The following MDH1 variants were observed in gnomAD, a reference collection of about 807,000 sequenced individuals.
The protein encoded by MDH1 is malate dehydrogenase 1, also known as malate dehydrogenase, cytoplasmic.
MDH1 carries 15 observed loss-of-function variants against 38.7 expected under a neutral mutation model. The ratio of observed to expected loss-of-function variants is 0.39; its 90% CI spans 0.26 to 0.60. The LOEUF (loss-of-function observed/expected upper bound fraction) is 0.60, where lower values mean the gene tolerates loss of function less well. Among genes scored for constraint, MDH1 ranks in the 20% least tolerant of loss-of-function variants. The pLI is 0.56. For synonymous variants in MDH1, 144 were observed against 143.6 expected (o/e 1.00, Z -0.02); for missense variants, 368 against 405.2 (o/e 0.91, Z 0.79).
chr2:63,597,585 C>G lies in MDH1; in HGVS notation c.375+11C>G, dbSNP rs776746724. The G allele has an allele frequency of 3.7e-6, 5 of 1,358,776 alleles. No homozygotes were observed. The highest frequency in any genetic ancestry group is 4.8e-6 in the Non-Finnish European group (5 of 1,044,084). The allele number at this position is 1,358,776 out of a possible 1,614,324, so 84.2% of individuals were successfully genotyped here. On this transcript the variant is annotated intron_variant, in intron 4 of 8. Transcript: ENST00000233114. The stretch of plus-strand genomic sequence containing the variant: ...AAGAAGTCAGTTAAGGTGACCAATG[C>G]TGTATTTTATGGGATTTTTCATTAT...
intron 1 of MDH1, chr2:63,589,832 C>G (rs765272961): frequency 4.7e-5 from 10 of 210,922 alleles, no homozygotes; most frequent in Non-Finnish European, 9.8e-5. Flanking sequence ...GAATAATCTG[C>G]GTACTGCTTG....
intron 5 of MDH1, among the ~76,000 whole-genome samples, chr2:63,603,395 T>C (rs1709466383): frequency 6.6e-6 from 1 of 152,220 alleles, no homozygotes; most frequent in South Asian, 2.1e-4. Flanking sequence ...TTATGTGTGC[T>C]AAAGCTACAG....
intron 4 of MDH1, 125 bp from the exon 5 acceptor site, chr2:63,599,045 A>G: frequency 1.3e-6 from 1 of 770,826 alleles, no homozygotes; most frequent in East Asian, 2.9e-5. Context: ...GCTATATTGT[A>G]TTTGGTGTTT....
intron 2 of MDH1, 26 bp from the exon 3 acceptor site, chr2:63,595,397 C>G (rs763526621): frequency 7.2e-7 from 1 of 1,388,910 alleles, no homozygotes; most frequent in African/African-American, 1.4e-5. Context: ...CCTACACTAA[C>G]AGATGCTGTC....
intron 3 of MDH1, 107 bp downstream of exon 3, chr2:63,595,626 A>AT: frequency 4.3e-6 from 3 of 692,172 alleles, no homozygotes; most frequent in East Asian, 2.7e-5. Context: ...TCATAAGAGG[A>AT]TTTTTTTATT....
intron 7 of MDH1, 68 bp from the exon 8 acceptor site, chr2:63,605,870 AT>A: frequency 7.7e-7 from 1 of 1,293,440 alleles, no homozygotes; most frequent in Non-Finnish European, 1.1e-6. Flanking sequence ...ACCTGGTTTA[AT>A]TTTATTAGTT....
chr2:63,589,275 A>C, intron 1 of MDH1: 1 of 1,551,164 alleles, frequency 6.4e-7, no homozygotes, highest in East Asian at 2.4e-5. Flanking sequence ...CTGGAGAAGT[A>C]GTTGTCCTGG....
At chr2:63,601,351 C>A (rs972040830) in intron 5 of MDH1, among the ~76,000 whole-genome samples, 3 of 152,298 alleles carry the variant, frequency 2.0e-5, no homozygotes, top group South Asian at 2.1e-4. Flanking sequence ...CTGTTTAACA[C>A]CTGCAGAACT....
intron 2 of MDH1, 108 bp from the exon 3 acceptor site, chr2:63,595,315 A>G (rs1259134666): frequency 1.6e-5 from 12 of 742,076 alleles, no homozygotes; most frequent in Non-Finnish European, 2.5e-5. Flanking sequence ...TGACTAATTA[A>G]TGGGAATTAC....
chr2:63,605,908 T>C, intron 7 of MDH1, 31 bp from the exon 8 acceptor site: 1 of 1,557,722 alleles, frequency 6.4e-7, no homozygotes, highest in Non-Finnish European at 8.9e-7. Context: ...AAACTAATCA[T>C]CATGAGTATG....
chr2:63,605,911 T>C (rs376669079), intron 7 of MDH1, 28 bp from the exon 8 acceptor site: 85 of 1,564,468 alleles, frequency 5.4e-5, no homozygotes, highest in Non-Finnish European at 7.1e-5. Context: ...CTAATCATCA[T>C]GAGTATGTGA....
chr2:63,604,900 C>A, intron 6 of MDH1, 28 bp downstream of exon 6: 1 of 1,610,566 alleles, frequency 6.2e-7, no homozygotes, highest in Non-Finnish European at 8.5e-7. Context: ...GCCTTCTTAA[C>A]ACTGAGCGTA....
intron 4 of MDH1, chr2:63,598,249 C>G (rs1709354433): frequency 6.6e-6 from 1 of 152,336 alleles, no homozygotes; most frequent in Non-Finnish European, 1.5e-5. Flanking sequence ...CTGTCTCAGC[C>G]TCGTGAGTAG....
In MDH1 at chr2:63,606,038, T is replaced by G; in HGVS notation, c.879+10T>G. ...CCCTGTTGTAATCAAGGTAAGGTAT[T>G]TTGGAGCTATTTCCCTTCTTTGAGG... is the stretch of plus-strand genomic sequence containing the variant. On this transcript the variant is annotated intron_variant, in intron 8 of 8. Transcript: ENST00000233114. 6.2e-7 allele frequency: 1 copy of G among 1,605,602 alleles called. No homozygotes were observed. Among genetic ancestry groups the G allele is most frequent in the Non-Finnish European group, 8.5e-7 (1 of 1,172,298 alleles).
At chr2:63,600,266 A>G (rs927400926) in intron 5 of MDH1, among the ~76,000 whole-genome samples, 3 of 152,254 alleles carry the variant, frequency 2.0e-5, no homozygotes, top group South Asian at 4.1e-4. Flanking sequence ...AATGCTATAC[A>G]TGTAATTTTC....
chr2:63,594,755 C>T (rs775049503), intron 2 of MDH1, 169 bp downstream of exon 2: 2 of 547,518 alleles, frequency 3.7e-6, no homozygotes, highest in Non-Finnish European at 6.5e-6. Flanking sequence ...TATATGTACG[C>T]CTCCAGGCAC....
Position 63,604,756 on chromosome 2 carries a change from C to T in MDH1, c.559C>T (p.His187Tyr), listed in dbSNP as rs368233063. ...AAAGAATGTCATTATCTGGGGAAAC[C>T]ATTCCTCGACTCAGTATCCAGATGT... is the stretch of plus-strand genomic sequence containing the variant. ...DVKNVIIWGN[H>Y]SSTQYPDVNH... The change falls in exon 6 of 9, where the codon CAT (histidine) becomes TAT (tyrosine). Residue 187 changes from histidine to tyrosine, a missense_variant. Coordinates refer to ENST00000233114, the MANE Select transcript of MDH1 (RefSeq NM_005917.4). 1.9e-6 allele frequency: 3 copies of T among 1,613,980 alleles called. No homozygotes were observed. The highest frequency in any genetic ancestry group is 1.3e-5 in the African/African-American group (1 of 74,922).
chr2:63,593,324 C>A (rs1258911872), intron 1 of MDH1: 5 of 281,776 alleles, frequency 1.8e-5, no homozygotes, highest in Non-Finnish European at 2.9e-5. Flanking sequence ...AAACTCCCAA[C>A]CTCAGGTGAT....
In MDH1 at chr2:63,606,010, AT is replaced by A; in HGVS notation, c.863del (p.Phe288SerfsTer4). ...GTGTTCCTGATGATCTGCTCTACTCATTCCCTGTTGTAATCAAGGTAAGGTA... is the reference window on the plus strand; with the variant it reads ...GTGTTCCTGATGATCTGCTCTACTCATCCCTGTTGTAATCAAGGTAAGGTA... ...YGVPDDLLYS[F>X]PVVIKNKTWK... On this transcript the variant is annotated frameshift_variant, in exon 8 of 9. Coordinates refer to ENST00000233114, the MANE Select transcript of MDH1 (RefSeq NM_005917.4). LOFTEE classifies it high-confidence loss of function. 6.2e-7 allele frequency: 1 copy of A among 1,614,002 alleles called. No homozygotes were observed. Among genetic ancestry groups the A allele is most frequent in the Non-Finnish European group, 8.5e-7 (1 of 1,179,900 alleles).
Sources: allele counts gnomAD v4.1 joint callset (sites outside exome capture counted in the v4.1 genomes callset), GRCh38; gene constraint gnomAD v4.1.1; transcripts MANE v1.5; gene names NCBI Gene and HGNC (gene_info 2026-07-23, HGNC 2026-07-21).